Variants in PRKN observed in about 807,000 individuals in gnomAD.
PRKN encodes the protein E3 ubiquitin-protein ligase parkin.
PRKN carries 56 observed loss-of-function variants against 59.5 expected under a neutral mutation model. That is an observed-to-expected ratio of 0.94 (90% CI 0.76 to 1.18). The LOEUF is 1.18. Among genes scored for constraint, PRKN ranks in the 50% most tolerant of loss-of-function variants. The pLI is 0.00. For synonymous variants in PRKN, 250 were observed against 222.1 expected (o/e 1.13, Z -1.12); for missense variants, 657 against 596.4 (o/e 1.10, Z -1.06).
Position 161,545,173 on chromosome 6 carries a change from C to A in PRKN, c.1083+3681G>T. ...GTAACAGCTAACATTTCTTGCATACCCACATGGTAAGAGTTGTACTTTTTC... is the reference window on the plus strand; with the variant it reads ...GTAACAGCTAACATTTCTTGCATACACACATGGTAAGAGTTGTACTTTTTC... On this transcript the variant is annotated intron_variant, in intron 9 of 11. Transcript: ENST00000366898. The surrounding 1 kb of genome is among the most constrained non-coding windows in gnomAD (Gnocchi z 4.1). 7.6e-7 allele frequency: 1 copy of A among 1,322,214 alleles called. No individual in the cohort carries two copies. Among genetic ancestry groups the A allele is most frequent in the African/African-American group, 1.5e-5 (1 of 66,568 alleles). 81.9% of individuals were successfully genotyped at this position (1,322,214 alleles called of 1,614,324 possible). A position where few individuals can be genotyped will look rare whatever the true frequency, so the allele number is the denominator to read the frequency against.
At chr6:162,687,787 T>C (rs1777628369) in intron 1 of PRKN, among the ~76,000 whole-genome samples, 1 of 152,220 alleles carries the variant, frequency 6.6e-6, no homozygotes, top group African/African-American at 2.4e-5. Flanking sequence ...ACCATGAGGA[T>C]GGCTTAACAA....
At chr6:161,866,186 T>C (rs1205557041) in intron 6 of PRKN, among the ~76,000 whole-genome samples, 1 of 152,144 alleles carries the variant, frequency 6.6e-6, no homozygotes, top group Non-Finnish European at 1.5e-5. Context: ...TGGTTTTTGG[T>C]ACTGCAAACA....
chr6:162,695,401 T>C (rs554162257), intron 1 of PRKN, among the ~76,000 whole-genome samples: 5 of 152,302 alleles, frequency 3.3e-5, no homozygotes, highest in African/African-American at 1.2e-4. Flanking sequence ...AAGGCTCATA[T>C]TTAATATCCT....
At chr6:162,402,559 T>C (rs1787848144) in intron 2 of PRKN, among the ~76,000 whole-genome samples, 1 of 152,008 alleles carries the variant, frequency 6.6e-6, no homozygotes, top group Non-Finnish European at 1.5e-5. Flanking sequence ...AAAATATGTG[T>C]GTCCACTCAG....
intron 1 of PRKN, among the ~76,000 whole-genome samples, chr6:162,653,156 T>C (rs1039986137): frequency 1.3e-5 from 2 of 152,226 alleles, no homozygotes; most frequent in Non-Finnish European, 2.9e-5. Flanking sequence ...AAATCGATGA[T>C]TGCATTGTTT....
rs527738101 is a variant in PRKN at position 162,387,065 on chromosome 6, T to G, written c.171+56245A>C. 2.6e-5 allele frequency among the ~76,000 whole-genome samples: 4 copies of G among 152,220 alleles called. No homozygotes were observed. In the East Asian group the frequency reaches 5.8e-4, roughly 22 times the overall value. On this transcript the variant is annotated intron_variant, in intron 2 of 11. Coordinates refer to ENST00000366898, the MANE Select transcript of PRKN (RefSeq NM_004562.3). ...CCCCAAATATAGATTCATTTATTTA[T>G]TTATTTTTAAGTTACACAAAAGTAT...
chr6:162,425,725 A>G (rs966350590), intron 2 of PRKN, among the ~76,000 whole-genome samples: 1 of 152,216 alleles, frequency 6.6e-6, no homozygotes, highest in African/African-American at 2.4e-5. Context: ...GAACTTAGAG[A>G]GGAAGTGAGA....
At chr6:161,733,791 T>TATATATATATATAC (rs1554298479) in intron 7 of PRKN, among the ~76,000 whole-genome samples, 1 of 66,944 alleles carries the variant, frequency 1.5e-5, no homozygotes, top group African/African-American at 6.2e-5. Context: ...AAAATATATA[T>TATATATATATATAC]ATATATGTAT....
chr6:162,629,111 T>C (rs1034154944), intron 1 of PRKN, among the ~76,000 whole-genome samples: 7 of 152,142 alleles, frequency 4.6e-5, no homozygotes, highest in African/African-American at 1.7e-4. Context: ...CCAATTCATA[T>C]ACAAGAAAAT....
intron 1 of PRKN, among the ~76,000 whole-genome samples, chr6:162,648,384 C>CTG (rs1778280067): frequency 6.9e-6 from 1 of 144,486 alleles, no homozygotes; most frequent in African/African-American, 2.6e-5. Context: ...GGTGTTCTTT[C>CTG]TTTTTTTATT....
At chr6:161,769,548 C>T (rs1208436543) in intron 7 of PRKN, among the ~76,000 whole-genome samples, 1 of 152,142 alleles carries the variant, frequency 6.6e-6, no homozygotes, top group African/African-American at 2.4e-5. Flanking sequence ...CGCCTAAATT[C>T]CTCTTTTCTC....
At chr6:162,021,314 T>C (rs1783177546) in intron 5 of PRKN, among the ~76,000 whole-genome samples, 1 of 145,678 alleles carries the variant, frequency 6.9e-6, no homozygotes, top group Middle Eastern at 3.3e-3. Flanking sequence ...AAAAATCTGA[T>C]GCTTTTTAAC....
At chr6:161,855,757 A>G (rs1015688973) in intron 6 of PRKN, among the ~76,000 whole-genome samples, 1 of 152,226 alleles carries the variant, frequency 6.6e-6, no homozygotes, top group African/African-American at 2.4e-5. Context: ...TATGAGACTA[A>G]TATCTTGTTA....
chr6:162,196,707 C>T (rs1784509041), intron 4 of PRKN, among the ~76,000 whole-genome samples: 2 of 152,114 alleles, frequency 1.3e-5, no homozygotes. Flanking sequence ...ACATCAGTTC[C>T]CCATGCCTAA....
intron 1 of PRKN, among the ~76,000 whole-genome samples, chr6:162,583,970 T>C (rs150436916): frequency 0.1 from 15,299 of 152,034 alleles, 908 homozygotes; most frequent in Middle Eastern, 0.19. Context: ...TCCCAGCACT[T>C]TGGGAGGCTG....
At chr6:162,160,905 A>C (rs1419056524) in intron 4 of PRKN, among the ~76,000 whole-genome samples, 1 of 131,630 alleles carries the variant, frequency 7.6e-6, no homozygotes, top group East Asian at 5.3e-4. Context: ...AAAAAAAAAA[A>C]AAAAAAAAAA....
chr6:161,511,515 T>C (rs1317233137), intron 9 of PRKN, among the ~76,000 whole-genome samples: 1 of 152,162 alleles, frequency 6.6e-6, no homozygotes, highest in African/African-American at 2.4e-5. Context: ...AGCAAAATAA[T>C]AATGCATCTT....
At chr6:162,317,754 G>A (rs533452740) in intron 2 of PRKN, among the ~76,000 whole-genome samples, 2 of 152,036 alleles carry the variant, frequency 1.3e-5, no homozygotes, top group East Asian at 2.0e-4. Context: ...AAGGATGGTC[G>A]AGATACATCC....
intron 6 of PRKN, among the ~76,000 whole-genome samples, chr6:161,829,456 C>G (rs141726555): frequency 1.3e-5 from 2 of 152,132 alleles, no homozygotes; most frequent in Non-Finnish European, 2.9e-5. Flanking sequence ...GCGGTTTTCA[C>G]TGATCTTTAG....
Sources: allele counts gnomAD v4.1 joint callset (sites outside exome capture counted in the v4.1 genomes callset), GRCh38; gene constraint gnomAD v4.1.1; non-coding constraint Gnocchi (gnomAD v3.1); transcripts MANE v1.5; gene names NCBI Gene and HGNC (gene_info 2026-07-23, HGNC 2026-07-21).